The following SPTLC2 variants were observed in gnomAD, a reference collection of about 807,000 sequenced individuals.
The protein encoded by SPTLC2 is serine palmitoyltransferase long chain base subunit 2.
A neutral mutation model predicts 62.0 loss-of-function variants in SPTLC2; 21 were observed. The observed-to-expected ratio is 0.34, with a 90% CI of 0.24 to 0.49. SPTLC2 has a LOEUF of 0.49. Among genes scored for constraint, SPTLC2 ranks in the 20% least tolerant of loss-of-function variants. SPTLC2 has a pLI of 0.99. For synonymous variants in SPTLC2, 261 were observed against 261.8 expected (o/e 1.00, Z 0.03); for missense variants, 511 against 713.0 (o/e 0.72, Z 3.23).
At chr14:77,556,956 G>A in intron 7 of SPTLC2, 85 bp downstream of exon 7, 1 of 1,058,870 alleles carries the variant, frequency 9.4e-7, no homozygotes, top group Non-Finnish European at 1.5e-6. Context: ...TCCAGAGGGG[G>A]ATAGACTAAT....
chr14:77,607,932 G>A (rs2079913413), intron 1 of SPTLC2, among the ~76,000 whole-genome samples: 2 of 152,152 alleles, frequency 1.3e-5, no homozygotes, highest in Admixed American at 6.5e-5. Context: ...TCACAAGCCC[G>A]GTTTCTCAGC....
intron 5 of SPTLC2, among the ~76,000 whole-genome samples, chr14:77,564,400 TACACACACACACACACAC>T (rs6145397): frequency 0.18 from 24,892 of 139,262 alleles, 2,497 homozygotes; most frequent in East Asian, 0.31. Flanking sequence ...TATGCATGCA[TACACACACACACACACAC>T]ACACACACAC....
rs1040110507 is a variant in SPTLC2 at position 77,614,311 on chromosome 14, T to C, written c.132+2137A>G. 8.5e-5 allele frequency among the ~76,000 whole-genome samples: 13 copies of C among 152,214 alleles called. No individual in the cohort carries two copies. In the East Asian group the frequency reaches 1.2e-3, roughly 13 times the overall value. ...AACTCATAGGGATTGAAAGAAGCAT[T>C]TGAACACAAAGCAACGCTGAAGTGT... is the stretch of plus-strand genomic sequence containing the variant. On this transcript the variant is annotated intron_variant, in intron 1 of 11. Coordinates refer to ENST00000216484, the MANE Select transcript of SPTLC2 (RefSeq NM_004863.4).
intron 2 of SPTLC2, among the ~76,000 whole-genome samples, chr14:77,580,968 AAAATCAAG>A (rs1175490159): frequency 6.6e-6 from 1 of 152,256 alleles, no homozygotes; most frequent in Non-Finnish European, 1.5e-5. Flanking sequence ...AAGTCTGTAA[AAAATCAAG>A]TCACAGCGGA....
chr14:77,517,250 G>GA (rs952588835), intron 11 of SPTLC2, among the ~76,000 whole-genome samples: 9 of 148,344 alleles, frequency 6.1e-5, no homozygotes, highest in Non-Finnish European at 1.0e-4. Context: ...TCTCAAAAAA[G>GA]AAAAAAAAAA....
intron 5 of SPTLC2, among the ~76,000 whole-genome samples, chr14:77,562,754 A>T (rs1035592766): frequency 6.6e-6 from 1 of 152,254 alleles, no homozygotes; most frequent in African/African-American, 2.4e-5. Context: ...ATATATGGCA[A>T]CAGGTCTTTA....
At chr14:77,512,642 A>G (rs998389756) in intron 11 of SPTLC2, among the ~76,000 whole-genome samples, 4 of 152,232 alleles carry the variant, frequency 2.6e-5, no homozygotes, top group Non-Finnish European at 5.9e-5. Flanking sequence ...TAAAGGCTAT[A>G]ATTCAAAGTA....
At chr14:77,610,992 C>CAAAA (rs61504970) in intron 1 of SPTLC2, among the ~76,000 whole-genome samples, 15 of 106,846 alleles carry the variant, frequency 1.4e-4, no homozygotes, top group African/African-American at 3.4e-4. Context: ...CCCATCTCTA[C>CAAAA]AAAAAAAAAA....
intron 6 of SPTLC2, among the ~76,000 whole-genome samples, chr14:77,560,640 T>C (rs1199702177): frequency 6.6e-6 from 1 of 150,840 alleles, no homozygotes; most frequent in African/African-American, 2.4e-5. Flanking sequence ...AATATATATA[T>C]ATATATGTAC....
chr14:77,548,965 T>C (rs530022320), intron 9 of SPTLC2, among the ~76,000 whole-genome samples: 4 of 152,320 alleles, frequency 2.6e-5, no homozygotes, highest in Admixed American at 2.6e-4. Context: ...AGGTACTTAA[T>C]GTACTCTGGA....
At chr14:77,609,508 G>C (rs116082610) in intron 1 of SPTLC2, among the ~76,000 whole-genome samples, 1 of 152,160 alleles carries the variant, frequency 6.6e-6, no homozygotes, top group Non-Finnish European at 1.5e-5. Context: ...AGTCCGAAGC[G>C]GATGGATCAC....
At chr14:77,581,051 G>A (rs2079747309) in intron 2 of SPTLC2, among the ~76,000 whole-genome samples, 1 of 152,104 alleles carries the variant, frequency 6.6e-6, no homozygotes, top group Non-Finnish European at 1.5e-5. Context: ...GACCATATGA[G>A]ATCTACTTAA....
chr14:77,550,573 C>G (rs367760635), intron 9 of SPTLC2, among the ~76,000 whole-genome samples: 2 of 151,374 alleles, frequency 1.3e-5, no homozygotes, highest in African/African-American at 4.9e-5. Context: ...AAAACTCCAT[C>G]TCAAAAGAAA....
At chr14:77,580,554 G>GAAAAA (rs11322822) in intron 2 of SPTLC2, among the ~76,000 whole-genome samples, 5 of 129,364 alleles carry the variant, frequency 3.9e-5, no homozygotes, top group Admixed American at 3.3e-4. Context: ...TTTTAAAAAA[G>GAAAAA]AAAAAAAAAA....
intron 9 of SPTLC2, among the ~76,000 whole-genome samples, chr14:77,541,828 G>A (rs1967637): frequency 0.51 from 77,748 of 152,000 alleles, 21,105 homozygotes; most frequent in Admixed American, 0.63. Context: ...AGGCCAAGGC[G>A]GGTGGATCAC....
At chr14:77,604,763 A>G (rs2079895924) in intron 1 of SPTLC2, among the ~76,000 whole-genome samples, 2 of 148,656 alleles carry the variant, frequency 1.3e-5, no homozygotes, top group African/African-American at 4.9e-5. Context: ...GCTACTCGGG[A>G]GGCTGAGGCA....
Position 77,583,016 on chromosome 14 carries a change from G to A in SPTLC2, c.328-3907C>T, listed in dbSNP as rs1481658159. 2.0e-5 allele frequency among the ~76,000 whole-genome samples: 3 copies of A among 152,094 alleles called. No homozygotes were observed. The East Asian group carries it at 5.8e-4, about 29-fold the overall frequency. On this transcript the variant is annotated intron_variant, in intron 2 of 11. Coordinates refer to ENST00000216484, the MANE Select transcript of SPTLC2 (RefSeq NM_004863.4). Reference sequence around the variant, plus strand: ...GGAGTTTGAGACCAGCCTGGGCAATGTAGTGAAACTCTGTCACTACAAAAA... The same window carrying A: ...GGAGTTTGAGACCAGCCTGGGCAATATAGTGAAACTCTGTCACTACAAAAA...
chr14:77,590,809 G>A (rs972045789), intron 2 of SPTLC2, among the ~76,000 whole-genome samples: 1 of 152,226 alleles, frequency 6.6e-6, no homozygotes, highest in African/African-American at 2.4e-5. Flanking sequence ...GGGGAGACAT[G>A]CTGCAAATTA....
chr14:77,532,222 C>G (rs2079444339), intron 9 of SPTLC2, among the ~76,000 whole-genome samples: 1 of 152,144 alleles, frequency 6.6e-6, no homozygotes, highest in African/African-American at 2.4e-5. Flanking sequence ...GTTAGGAAAA[C>G]AGCACTTCAA....
Sources: gnomAD v4.1 joint callset for allele counts (sites outside exome capture counted in the v4.1 genomes callset) on GRCh38, gnomAD v4.1.1 for gene constraint, MANE v1.5 for transcripts, NCBI Gene and HGNC (gene_info 2026-07-23, HGNC 2026-07-21) for gene names.